The following YEATS4 variants were observed in gnomAD, a reference collection of about 807,000 sequenced individuals.
The protein encoded by YEATS4 is YEATS domain containing 4.
In YEATS4, 17 loss-of-function variants were observed where a neutral mutation model predicts 30.1. The observed-to-expected ratio is 0.56, with a 90% CI of 0.39 to 0.85. YEATS4 has a LOEUF of 0.85. Ranked by LOEUF, YEATS4 falls within the 40% of genes least tolerant of loss-of-function variation. The pLI is 0.00. For missense variants in YEATS4, 142 were observed against 268.3 expected (o/e 0.53, Z 3.29); for synonymous variants, 85 against 87.5 (o/e 0.97, Z 0.16).
At chr12:69,397,955 G>A in the YEATS4 span, among the ~76,000 whole-genome samples, 384 of 152,144 alleles carry the variant, frequency 2.5e-3, 1 homozygote, top group African/African-American at 8.3e-3. Flanking sequence ...TATATTAATA[G>A]AACAAAGGAC....
chr12:69,386,164 T>G (rs1225554586), intron 6 of YEATS4, among the ~76,000 whole-genome samples: 1 of 152,232 alleles, frequency 6.6e-6, no homozygotes, highest in Non-Finnish European at 1.5e-5. Flanking sequence ...TTTAAAATGT[T>G]TTCCCCCAGG....
At chr12:69,398,947 G>A in the YEATS4 span, among the ~76,000 whole-genome samples, 1 of 151,980 alleles carries the variant, frequency 6.6e-6, no homozygotes, top group Non-Finnish European at 1.5e-5. Context: ...TCAGGAGATT[G>A]AGACCATCCT....
At chr12:69,396,335 TG>T in the YEATS4 span, among the ~76,000 whole-genome samples, 2 of 152,234 alleles carry the variant, frequency 1.3e-5, no homozygotes, top group African/African-American at 4.8e-5. Context: ...AGAAATTAAA[TG>T]ACTTTCAGAG....
intron 6 of YEATS4, among the ~76,000 whole-genome samples, chr12:69,384,883 A>G (rs190919445): frequency 6.6e-6 from 1 of 152,366 alleles, no homozygotes; most frequent in East Asian, 1.9e-4. Flanking sequence ...GGCAGAAGGT[A>G]TGGACAGACA....
At chr12:69,426,964 T>C in the YEATS4 span, among the ~76,000 whole-genome samples, 1 of 152,222 alleles carries the variant, frequency 6.6e-6, no homozygotes, top group African/African-American at 2.4e-5. Context: ...GTTGACAAGT[T>C]TCTTGAAAGA....
chr12:69,376,671 T>G (rs964866752), intron 6 of YEATS4, among the ~76,000 whole-genome samples: 2 of 152,228 alleles, frequency 1.3e-5, no homozygotes, highest in African/African-American at 4.8e-5. Context: ...GTGGTTTTCT[T>G]TTTTTGATGT....
chr12:69,392,024 A>T (rs1244985929), downstream of YEATS4, among the ~76,000 whole-genome samples: 8 of 152,254 alleles, frequency 5.3e-5, no homozygotes, highest in South Asian at 1.5e-3. Context: ...GTAGGATTTC[A>T]CTGTGACATT....
intron 6 of YEATS4, among the ~76,000 whole-genome samples, chr12:69,374,931 C>G (rs1294947937): frequency 6.6e-6 from 1 of 151,872 alleles, no homozygotes; most frequent in Non-Finnish European, 1.5e-5. Context: ...GGCAGAGGGG[C>G]TCCTCACTTC....
chr12:69,393,715 A>AG (rs1357609065), downstream of YEATS4, among the ~76,000 whole-genome samples: 2 of 152,274 alleles, frequency 1.3e-5, no homozygotes, highest in South Asian at 4.1e-4. Context: ...AGGGGATGGT[A>AG]GGGGGAGTAG....
chr12:69,409,622 A>G, the YEATS4 span, among the ~76,000 whole-genome samples: 1 of 152,024 alleles, frequency 6.6e-6, no homozygotes, highest in East Asian at 1.9e-4. Context: ...GTTTAAAAAA[A>G]AAAAAAGATA....
At chr12:69,366,875 CTTAT>C (rs1283203628) in intron 4 of YEATS4, among the ~76,000 whole-genome samples, 7 of 152,136 alleles carry the variant, frequency 4.6e-5, no homozygotes, top group African/African-American at 7.2e-5. Flanking sequence ...GAGGTGCTTG[CTTAT>C]TTATTTATTA....
At chr12:69,388,658 T>C (rs1260279362) in intron 6 of YEATS4, among the ~76,000 whole-genome samples, 4 of 152,272 alleles carry the variant, frequency 2.6e-5, no homozygotes, top group Non-Finnish European at 5.9e-5. Context: ...GTGTCCTGTT[T>C]TGCAGTAACA....
chr12:69,378,708 A>G (rs953179017), intron 6 of YEATS4, among the ~76,000 whole-genome samples: 23 of 152,136 alleles, frequency 1.5e-4, no homozygotes, highest in Non-Finnish European at 7.4e-5. Flanking sequence ...TGTTGTTTCT[A>G]TTTATATCTT....
At chr12:69,425,080 C>T in the YEATS4 span, among the ~76,000 whole-genome samples, 10 of 151,936 alleles carry the variant, frequency 6.6e-5, no homozygotes, top group Admixed American at 1.3e-4. Context: ...TCACCATGCC[C>T]GGCTACTTTT....
Position 69,379,963 on chromosome 12 carries a change from A to G in YEATS4, c.514+8988A>G, listed in dbSNP as rs145431693. ...CGATTCTTTTAATTTCCATTTATTT[A>G]TTAAATTTATGTGATAGGATTCTAA... On this transcript the variant is annotated intron_variant, in intron 6 of 6. Transcript: ENST00000247843. Among the ~76,000 whole-genome samples the G allele has an allele frequency of 9.4e-3, 1,438 of 152,198 alleles. 5 individuals carry two copies. The highest frequency in any genetic ancestry group is 0.014 in the Non-Finnish European group (965 of 67,994).
chr12:69,389,540 G>GTCTCAC (rs200413744), intron 6 of YEATS4, among the ~76,000 whole-genome samples: 5,380 of 116,568 alleles, frequency 0.046, 200 homozygotes, highest in African/African-American at 0.092. Context: ...TTAAGACAGA[G>GTCTCAC]TCTCACTCTG....
intron 1 of YEATS4, 69 bp downstream of exon 1, chr12:69,360,092 G>A (rs1875129755): frequency 1.3e-6 from 2 of 1,557,140 alleles, no homozygotes; most frequent in South Asian, 2.3e-5. Context: ...GCGGCGCGGG[G>A]AGGGCCCACT....
intron 6 of YEATS4, among the ~76,000 whole-genome samples, chr12:69,383,909 A>G (rs1489019012): frequency 2.0e-5 from 3 of 152,162 alleles, no homozygotes; most frequent in Non-Finnish European, 2.9e-5. Context: ...ATAAACTAGT[A>G]TATTTGTAGG....
the YEATS4 span, among the ~76,000 whole-genome samples, chr12:69,409,170 C>T: frequency 1.3e-5 from 2 of 152,182 alleles, no homozygotes; most frequent in Admixed American, 6.5e-5. Flanking sequence ...TTTGTGATCA[C>T]AGGCAAGTTA....
Sources: allele counts gnomAD v4.1 joint callset (sites outside exome capture counted in the v4.1 genomes callset), GRCh38; gene constraint gnomAD v4.1.1; transcripts MANE v1.5; gene names NCBI Gene and HGNC (gene_info 2026-07-23, HGNC 2026-07-21).